The following MED28 variants were observed in gnomAD, a reference collection of about 807,000 sequenced individuals.
MED28 encodes mediator complex subunit 28, also known as mediator of RNA polymerase II transcription subunit 28.
Under a neutral mutation model 21.3 loss-of-function variants are expected in MED28, and 26 were observed. That is an observed-to-expected ratio of 1.22 (90% confidence interval 0.89 to 1.69). The LOEUF (loss-of-function observed/expected upper bound fraction) is 1.69, where lower values mean the gene tolerates loss of function less well. Ranked by LOEUF, MED28 falls within the 40% of genes most tolerant of loss-of-function variation. MED28 has a pLI of 0.00. For missense variants in MED28, 257 were observed against 215.4 expected (o/e 1.19, Z -1.21); for synonymous variants, 110 against 87.6 (o/e 1.26, Z -1.43).
At chr4:17,617,160 G>C (rs1179658476) in intron 1 of MED28, among the ~76,000 whole-genome samples, 1 of 152,200 alleles carries the variant, frequency 6.6e-6, no homozygotes, top group African/African-American at 2.4e-5. Flanking sequence ...GGAGTGGTGC[G>C]AGCTGGATCC....
In MED28 at chr4:17,623,897, AGAT is replaced by A; in HGVS notation, c.*100_*102del. The A allele has an allele frequency of 7.5e-7, 1 of 1,331,132 alleles. No individual in the cohort carries two copies. The highest frequency in any genetic ancestry group is 1.0e-6 in the Non-Finnish European group (1 of 969,170). 82.5% of individuals were successfully genotyped at this position (1,331,132 alleles called of 1,614,324 possible). A position where few individuals can be genotyped will look rare whatever the true frequency, so the allele number is the denominator to read the frequency against. ...TGACATTTTGGAAGAACTCTTTGCC[AGAT>A]AATGAGTTCATTTTAGTTTTATGCT... On this transcript the variant is annotated 3_prime_UTR_variant, in exon 4 of 4. Transcript: ENST00000237380.
intron 1 of MED28, among the ~76,000 whole-genome samples, chr4:17,619,548 T>G (rs1308953070): frequency 6.6e-6 from 1 of 152,126 alleles, no homozygotes; most frequent in African/African-American, 2.4e-5. Context: ...AAGATTGTCC[T>G]GAGTCCTGAA....
Position 17,629,926 on chromosome 4 carries a change from G to A in MED28, c.*6128G>A, listed in dbSNP as rs577338914. 6.6e-6 allele frequency: 1 copy of A among 152,162 alleles called. No individual in the cohort carries two copies. Among genetic ancestry groups the A allele is most frequent in the Non-Finnish European group, 1.5e-5 (1 of 68,024 alleles). The allele number at this position is 152,162 out of a possible 1,614,324, so 9.4% of individuals were successfully genotyped here. On this transcript the variant is annotated 3_prime_UTR_variant, in exon 4 of 4. Coordinates refer to ENST00000237380, the MANE Select transcript of MED28 (RefSeq NM_025205.5). The stretch of plus-strand genomic sequence containing the variant: ...AAAGCTTAAGTTTGTGTCCTTAAAT[G>A]CCTTACTTCAATACCCAAGGCATAT...
At chr4:17,617,264 T>A (rs925624924) in intron 1 of MED28, among the ~76,000 whole-genome samples, 1 of 152,230 alleles carries the variant, frequency 6.6e-6, no homozygotes, top group Admixed American at 6.5e-5. Flanking sequence ...GTTTCCTTCC[T>A]TGTGTTCTGT....
chr4:17,621,832 C>G lies in MED28; in HGVS notation c.339+133C>G. The G allele has an allele frequency of 6.1e-6, 4 of 659,940 alleles. No individual in the cohort carries two copies. In the Middle Eastern group the frequency reaches 9.8e-4, roughly 161 times the overall value. The allele number at this position is 659,940 out of a possible 1,614,324, so 40.9% of individuals were successfully genotyped here. A position where few individuals can be genotyped will look rare whatever the true frequency, so the allele number is the denominator to read the frequency against. The stretch of plus-strand genomic sequence containing the variant: ...CTTTATAGGTCAGTGTGAAATGTGG[C>G]TAGTCATCCATGTTTGGGACAACCT... On this transcript the variant is annotated intron_variant, in intron 3 of 3. Transcript: ENST00000237380.
At chr4:17,616,268 T>A (rs1353652433) in intron 1 of MED28, among the ~76,000 whole-genome samples, 1 of 152,220 alleles carries the variant, frequency 6.6e-6, no homozygotes, top group Non-Finnish European at 1.5e-5. Flanking sequence ...AATAAATGAT[T>A]TAAAGGACAG....
chr4:17,634,080 G>A lies in MED28; in HGVS notation c.*10282G>A, dbSNP rs116230084. 0.014 allele frequency: 6,216 copies of A among 447,898 alleles called. 53 individuals carry two copies. Among genetic ancestry groups the A allele is most frequent in the Non-Finnish European group, 0.017 (4,486 of 263,640 alleles). The allele number at this position is 447,898 out of a possible 1,614,324, so 27.7% of individuals were successfully genotyped here. A position where few individuals can be genotyped will look rare whatever the true frequency, so the allele number is the denominator to read the frequency against. On this transcript the variant is annotated 3_prime_UTR_variant, in exon 4 of 4. Coordinates refer to ENST00000237380, the MANE Select transcript of MED28 (RefSeq NM_025205.5). ...TTCATTTTGTATTATAAATAAATAT[G>A]TATGTTCACAACCTCTTAACCAAAA...
rs1469074863 is a variant in MED28, at chr4:17,627,948, A to AG, written c.*4151dup. 1.3e-5 allele frequency: 2 copies of AG among 152,250 alleles called. No homozygotes were observed. The highest frequency in any genetic ancestry group is 2.9e-5 in the Non-Finnish European group (2 of 68,088). 9.4% of individuals were successfully genotyped at this position (152,250 alleles called of 1,614,324 possible). A position where few individuals can be genotyped will look rare whatever the true frequency, so the allele number is the denominator to read the frequency against. The stretch of plus-strand genomic sequence containing the variant: ...CCCGGTGTTCCTTGGCCCACCTGTC[A>AG]GACCTACATCATAGGCTCTTCCTGT... On this transcript the variant is annotated 3_prime_UTR_variant, in exon 4 of 4. Coordinates refer to ENST00000237380, the MANE Select transcript of MED28 (RefSeq NM_025205.5).
chr4:17,620,106 T>C, intron 2 of MED28, 139 bp downstream of exon 2: 1 of 720,620 alleles, frequency 1.4e-6, no homozygotes, highest in Non-Finnish European at 2.4e-6. Flanking sequence ...ACATAATCTC[T>C]ATGAGCTGCT....
intron 2 of MED28, among the ~76,000 whole-genome samples, chr4:17,620,692 CTTTTTT>C (rs146604205): frequency 3.7e-5 from 4 of 108,840 alleles, no homozygotes; most frequent in African/African-American, 1.4e-4. Flanking sequence ...TGCATTGTCT[CTTTTTT>C]TTTTTTTTTT....
At chr4:17,619,127 A>G (rs1036200291) in intron 1 of MED28, among the ~76,000 whole-genome samples, 3 of 152,070 alleles carry the variant, frequency 2.0e-5, no homozygotes, top group Admixed American at 6.5e-5. Flanking sequence ...CTCCCTGCCC[A>G]CTTCCTGCAG....
chr4:17,614,672 G>T lies in MED28; in HGVS notation c.18G>T (p.Gly6=). 1.9e-6 allele frequency: 3 copies of T among 1,612,672 alleles called. No homozygotes were observed. The highest frequency in any genetic ancestry group is 2.5e-6 in the Non-Finnish European group (3 of 1,179,688). Residue 6 remains glycine, a synonymous_variant, in exon 1 of 4, where the codon GGG becomes GGT. Transcript: ENST00000237380. ...TTCCAAACATGGCGGCTCCACTAGGGGGTATGTTTTCTGGGCAGCCACCCG... is the reference window on the plus strand; with the variant it reads ...TTCCAAACATGGCGGCTCCACTAGGTGGTATGTTTTCTGGGCAGCCACCCG... MAAPL[G]GMFSGQPPGP...
chr4:17,633,922 A>G lies in MED28; in HGVS notation c.*10124A>G. The G allele has an allele frequency of 1.5e-6, 2 of 1,343,978 alleles. No homozygotes were observed. The highest frequency in any genetic ancestry group is 3.8e-5 in the Admixed American group (1 of 26,364). The allele number at this position is 1,343,978 out of a possible 1,614,324, so 83.3% of individuals were successfully genotyped here. On this transcript the variant is annotated 3_prime_UTR_variant, in exon 4 of 4. Coordinates refer to ENST00000237380, the MANE Select transcript of MED28 (RefSeq NM_025205.5). ...ATTAATGGACAGGTTAGTGCAATGC[A>G]ATGCAAAAAACAAAATAAAGCATTA... is the stretch of plus-strand genomic sequence containing the variant.
intron 1 of MED28, among the ~76,000 whole-genome samples, chr4:17,616,901 G>A (rs1006723): frequency 0.63 from 95,194 of 152,070 alleles, 30,248 homozygotes; most frequent in East Asian, 0.89. Context: ...ATATATGTCT[G>A]TAGGTGCCCT....
chr4:17,624,067 T>G lies in MED28; in HGVS notation c.*269T>G, dbSNP rs1714710447. ...AGACTGTGAATATGATGACACAGAT[T>G]CTTTTTTATGGTGGCTTTGCTTGTT... On this transcript the variant is annotated 3_prime_UTR_variant, in exon 4 of 4. Transcript: ENST00000237380. The G allele has an allele frequency of 2.3e-6, 1 of 428,268 alleles. No homozygotes were observed. The highest frequency in any genetic ancestry group is 2.0e-5 in the African/African-American group (1 of 50,682). 26.5% of individuals were successfully genotyped at this position (428,268 alleles called of 1,614,324 possible).
Position 17,633,634 on chromosome 4 carries a change from C to G in MED28, c.*9836C>G. On this transcript the variant is annotated 3_prime_UTR_variant, in exon 4 of 4. Coordinates refer to ENST00000237380, the MANE Select transcript of MED28 (RefSeq NM_025205.5). ...AGGTGCTAGAAAGAATCCTACTTCC[C>G]CTCTTATCTACAGGGAAATAGAATA... 7.3e-7 allele frequency: 1 copy of G among 1,369,502 alleles called. No individual in the cohort carries two copies. Among genetic ancestry groups the G allele is most frequent in the Non-Finnish European group, 9.5e-7 (1 of 1,048,884 alleles). 84.8% of individuals were successfully genotyped at this position (1,369,502 alleles called of 1,614,324 possible).
rs1027658341 is a variant in MED28, at chr4:17,625,715, G to C, written c.*1917G>C. On this transcript the variant is annotated 3_prime_UTR_variant, in exon 4 of 4. Transcript: ENST00000237380. Reference sequence around the variant, plus strand: ...ACCCTCTGAGCTGCTAACTTTTTCAGGGAGAAAATCACAAGCCATCTTCTC... The same window carrying C: ...ACCCTCTGAGCTGCTAACTTTTTCACGGAGAAAATCACAAGCCATCTTCTC... 6.8e-6 allele frequency: 3 copies of C among 438,604 alleles called. No individual in the cohort carries two copies. The highest frequency in any genetic ancestry group is 6.1e-5 in the African/African-American group (3 of 49,398). 27.2% of individuals were successfully genotyped at this position (438,604 alleles called of 1,614,324 possible).
In MED28 at chr4:17,626,963, A is replaced by AT. The variant is rs566778111; in HGVS notation, c.*3184dup. On this transcript the variant is annotated 3_prime_UTR_variant, in exon 4 of 4. Transcript: ENST00000237380. ...CCTCAGCCTCCCAAGTAGCTGGGCTATTTTTTTTTTTTTTTTTTTGAGATG... is the reference window on the plus strand; with the variant it reads ...CCTCAGCCTCCCAAGTAGCTGGGCTATTTTTTTTTTTTTTTTTTTTGAGATG... 0.088 allele frequency: 11,120 copies of AT among 126,032 alleles called. 1,267 individuals carry two copies. The highest frequency in any genetic ancestry group is 0.27 in the African/African-American group (8,936 of 33,290). 7.8% of individuals were successfully genotyped at this position (126,032 alleles called of 1,614,324 possible).
chr4:17,632,519 C>T lies in MED28; in HGVS notation c.*8721C>T, dbSNP rs1487969399. The stretch of plus-strand genomic sequence containing the variant: ...TTTTCAAGTATCCTCTGTGATGTAT[C>T]CCAAAGGTTAGCTTAGAAAGAAAAG... On this transcript the variant is annotated 3_prime_UTR_variant, in exon 4 of 4. Transcript: ENST00000237380. 6 of 1,542,020 alleles carry T rather than the reference C, an allele frequency of 3.9e-6. No homozygotes were observed. Among genetic ancestry groups the T allele is most frequent in the Non-Finnish European group, 5.3e-6 (6 of 1,139,198 alleles).
Sources: gnomAD v4.1 joint callset for allele counts (sites outside exome capture counted in the v4.1 genomes callset) on GRCh38, gnomAD v4.1.1 for gene constraint, MANE v1.5 for transcripts, NCBI Gene and HGNC (gene_info 2026-07-23, HGNC 2026-07-21) for gene names.